The following DAAM1 variants were observed in gnomAD, a reference collection of about 807,000 sequenced individuals.
DAAM1 encodes the protein dishevelled associated activator of morphogenesis 1.
In DAAM1, 52 loss-of-function variants were observed where a neutral mutation model predicts 130.0. The ratio of observed to expected loss-of-function variants is 0.40; its 90% CI spans 0.32 to 0.50. The LOEUF (loss-of-function observed/expected upper bound fraction) is 0.50, where lower values mean the gene tolerates loss of function less well. DAAM1 is among the 20% of genes least tolerant of loss of function. DAAM1 has a pLI of 0.61. For missense variants in DAAM1, 1,134 were observed against 1,303.8 expected (o/e 0.87, Z 2.01); for synonymous variants, 452 against 444.5 (o/e 1.02, Z -0.21).
intron 1 of DAAM1, among the ~76,000 whole-genome samples, chr14:59,195,111 T>G: frequency 6.6e-6 from 1 of 152,060 alleles, no homozygotes; most frequent in East Asian, 1.9e-4. Context: ...AGAAGGTTTT[T>G]CTTTTTTCTT....
intron 22 of DAAM1, chr14:59,362,998 A>G (rs1242101370): frequency 6.6e-6 from 1 of 152,376 alleles, no homozygotes; most frequent in Non-Finnish European, 1.5e-5. Flanking sequence ...AAGAATGTGC[A>G]TCTGGCAATG....
intron 1 of DAAM1, among the ~76,000 whole-genome samples, chr14:59,192,193 T>TGTGTGG (rs1491064765): frequency 6.7e-6 from 1 of 148,278 alleles, no homozygotes; most frequent in East Asian, 2.0e-4. Context: ...TGTGTGTGTG[T>TGTGTGG]GGTTTTGAGC....
At chr14:59,196,526 A>G (rs1887895370) in intron 1 of DAAM1, among the ~76,000 whole-genome samples, 1 of 152,146 alleles carries the variant, frequency 6.6e-6, no homozygotes, top group Non-Finnish European at 1.5e-5. Flanking sequence ...GGCATATCAC[A>G]AGGTCAGGAA....
chr14:59,311,452 C>G (rs1884587482), intron 3 of DAAM1, among the ~76,000 whole-genome samples: 1 of 151,754 alleles, frequency 6.6e-6, no homozygotes, highest in South Asian at 2.1e-4. Flanking sequence ...AAGCAAAGCT[C>G]TTGTCCTGAC....
intron 17 of DAAM1, among the ~76,000 whole-genome samples, chr14:59,351,301 T>A (rs1886284748): frequency 6.6e-6 from 1 of 152,200 alleles, no homozygotes; most frequent in Admixed American, 6.5e-5. Context: ...TAATCATTTT[T>A]AATCTCTTCT....
chr14:59,315,011 T>A (rs533998986), intron 3 of DAAM1, among the ~76,000 whole-genome samples: 4 of 152,294 alleles, frequency 2.6e-5, no homozygotes, highest in Non-Finnish European at 2.9e-5. Flanking sequence ...CCACTTAAAT[T>A]CTTCTTGATC....
At chr14:59,351,739 G>GAA (rs1594843843) in intron 17 of DAAM1, among the ~76,000 whole-genome samples, 1 of 149,106 alleles carries the variant, frequency 6.7e-6, no homozygotes, top group East Asian at 1.9e-4. Flanking sequence ...TCAAAGTCAA[G>GAA]AAGGTCAATG....
intron 2 of DAAM1, among the ~76,000 whole-genome samples, chr14:59,290,471 T>TA (rs1165553908): frequency 5.9e-5 from 9 of 152,158 alleles, no homozygotes; most frequent in African/African-American, 2.2e-4. Flanking sequence ...TAGTAATGAG[T>TA]AGACCACTTG....
chr14:59,229,411 C>G (rs1889037781), intron 1 of DAAM1, among the ~76,000 whole-genome samples: 1 of 152,156 alleles, frequency 6.6e-6, no homozygotes, highest in Admixed American at 6.5e-5. Flanking sequence ...ACTAATTCGT[C>G]TTTATGACAT....
chr14:59,272,685 G>A (rs1042340432), intron 2 of DAAM1, among the ~76,000 whole-genome samples: 6 of 151,560 alleles, frequency 4.0e-5, no homozygotes, highest in African/African-American at 1.4e-4. Context: ...GAGGGAGGGA[G>A]GGGGAGAGAT....
chr14:59,357,071 G>A (rs1366640020), intron 20 of DAAM1, among the ~76,000 whole-genome samples: 2 of 152,200 alleles, frequency 1.3e-5, no homozygotes, highest in African/African-American at 4.8e-5. Context: ...TAATGAGCAG[G>A]GAAGAATCAA....
At chr14:59,225,857 A>G (rs1165955141) in intron 1 of DAAM1, among the ~76,000 whole-genome samples, 1 of 152,228 alleles carries the variant, frequency 6.6e-6, no homozygotes, top group Non-Finnish European at 1.5e-5. Flanking sequence ...ATCACTTTGC[A>G]TAGCACTATA....
At chr14:59,348,392 C>G (rs1048969805) in intron 17 of DAAM1, among the ~76,000 whole-genome samples, 1 of 152,174 alleles carries the variant, frequency 6.6e-6, no homozygotes, top group East Asian at 1.9e-4. Flanking sequence ...TTGTTGATCT[C>G]GCACATATTC....
intron 1 of DAAM1, among the ~76,000 whole-genome samples, chr14:59,258,780 T>C (rs1427866804): frequency 6.6e-6 from 1 of 152,198 alleles, no homozygotes; most frequent in African/African-American, 2.4e-5. Context: ...ATGGGTTTAA[T>C]AAAGGACCTT....
At chr14:59,341,859 A>G (rs1885861758) in intron 16 of DAAM1, among the ~76,000 whole-genome samples, 1 of 152,198 alleles carries the variant, frequency 6.6e-6, no homozygotes, top group Non-Finnish European at 1.5e-5. Flanking sequence ...GCTTTAAAAC[A>G]CTTGGTGAAG....
chr14:59,321,368 G>T (rs1219129978), intron 5 of DAAM1, among the ~76,000 whole-genome samples: 1 of 152,200 alleles, frequency 6.6e-6, no homozygotes, highest in Non-Finnish European at 1.5e-5. Context: ...AGTGTTGTTG[G>T]TCACACAGCT....
chr14:59,212,146 C>T (rs911050540), intron 1 of DAAM1, among the ~76,000 whole-genome samples: 1 of 152,148 alleles, frequency 6.6e-6, no homozygotes, highest in Non-Finnish European at 1.5e-5. Flanking sequence ...TTTACCATGA[C>T]TGGTAGCTGC....
At chr14:59,335,856 TTA>T (rs1885606360) in intron 15 of DAAM1, among the ~76,000 whole-genome samples, 1 of 152,202 alleles carries the variant, frequency 6.6e-6, no homozygotes, top group Admixed American at 6.5e-5. Flanking sequence ...TTCTGATTTT[TTA>T]TAAATTATCA....
chr14:59,350,545 C>T (rs926757704), intron 17 of DAAM1, among the ~76,000 whole-genome samples: 21 of 152,102 alleles, frequency 1.4e-4, no homozygotes, highest in African/African-American at 5.1e-4. Flanking sequence ...CTCTCTGATG[C>T]AGCCAGAGTC....
Sources: allele counts gnomAD v4.1 joint callset (sites outside exome capture counted in the v4.1 genomes callset), GRCh38; gene constraint gnomAD v4.1.1; transcripts MANE v1.5; gene names NCBI Gene and HGNC (gene_info 2026-07-23, HGNC 2026-07-21).